The following TIAM1 variants were observed in gnomAD, a reference collection of about 807,000 sequenced individuals.
The protein encoded by TIAM1 is TIAM Rac1 associated GEF 1, also known as rho guanine nucleotide exchange factor TIAM1.
TIAM1 carries 65 observed loss-of-function variants against 163.5 expected under a neutral mutation model. The ratio of observed to expected loss-of-function variants is 0.40; its 90% CI spans 0.33 to 0.49. The LOEUF (loss-of-function observed/expected upper bound fraction) is 0.49. Among genes scored for constraint, TIAM1 ranks in the 20% least tolerant of loss-of-function variants. The pLI, the probability that TIAM1 is intolerant of heterozygous loss-of-function variation, is 0.77. For missense variants in TIAM1, 1,789 were observed against 2,044.7 expected (o/e 0.87, Z 2.41); for synonymous variants, 833 against 810.1 (o/e 1.03, Z -0.48).
At chr21:31,308,349 T>C (rs1050765682) in intron 2 of TIAM1, among the ~76,000 whole-genome samples, 1 of 152,084 alleles carries the variant, frequency 6.6e-6, no homozygotes, top group African/African-American at 2.4e-5. Flanking sequence ...AGGAAGATAA[T>C]GGCATTATCT....
At chr21:31,289,995 A>G (rs2073958008) in intron 2 of TIAM1, among the ~76,000 whole-genome samples, 1 of 152,192 alleles carries the variant, frequency 6.6e-6, no homozygotes, top group African/African-American at 2.4e-5. Context: ...AAATGGTTTT[A>G]TTGGCATCAC....
chr21:31,134,040 C>G (rs967982708), intron 23 of TIAM1, among the ~76,000 whole-genome samples: 1 of 152,064 alleles, frequency 6.6e-6, no homozygotes, highest in African/African-American at 2.4e-5. Context: ...TGCACTCCAG[C>G]CTGGCAACAC....
At chr21:31,283,791 C>T (rs947601794) in intron 2 of TIAM1, among the ~76,000 whole-genome samples, 9 of 152,026 alleles carry the variant, frequency 5.9e-5, no homozygotes, top group Admixed American at 3.9e-4. Flanking sequence ...ATCCACCCTC[C>T]TTGGCTTCCC....
intron 2 of TIAM1, among the ~76,000 whole-genome samples, chr21:31,446,650 C>A (rs528073747): frequency 6.6e-6 from 1 of 152,088 alleles, no homozygotes; most frequent in Non-Finnish European, 1.5e-5. Context: ...CCTGACATAA[C>A]GATGGGAGAC....
chr21:31,556,030 G>C (rs1351515509), intron 1 of TIAM1, among the ~76,000 whole-genome samples: 1 of 152,134 alleles, frequency 6.6e-6, no homozygotes. Context: ...GGGCTCTTTG[G>C]ACGAGCATTA....
chr21:31,346,817 G>A (rs1052469270), upstream of TIAM1, among the ~76,000 whole-genome samples: 2 of 152,104 alleles, frequency 1.3e-5, no homozygotes, highest in Non-Finnish European at 2.9e-5. Context: ...GGGCTTACAC[G>A]GGGAGCACAT....
At chr21:31,216,561 A>G (rs1427800396) in intron 9 of TIAM1, among the ~76,000 whole-genome samples, 1 of 152,184 alleles carries the variant, frequency 6.6e-6, no homozygotes, top group East Asian at 1.9e-4. Context: ...GACAAGGAAG[A>G]CAGTAACAAC....
intron 2 of TIAM1, among the ~76,000 whole-genome samples, chr21:31,330,722 G>A (rs1307798997): frequency 6.6e-6 from 1 of 152,184 alleles, no homozygotes; most frequent in African/African-American, 2.4e-5. Context: ...GTTTTTAATA[G>A]CAGTTTGGTG....
rs547869518 is a variant in TIAM1 at position 31,287,581 on chromosome 21, G to C, written c.-188-10673C>G. Among the ~76,000 whole-genome samples the C allele has an allele frequency of 8.5e-5, 13 of 152,274 alleles. No individual in the cohort carries two copies. In the South Asian group the frequency reaches 1.0e-3, roughly 12 times the overall value. On this transcript the variant is annotated intron_variant, in intron 2 of 27. Transcript: ENST00000541036. ...GATTTGGCTTAGCTTAGGAGGATGA[G>C]AGGAAATGAACAGGGATAGGAGAGA... is the stretch of plus-strand genomic sequence containing the variant.
intron 16 of TIAM1, among the ~76,000 whole-genome samples, 169 bp downstream of exon 16, chr21:31,164,793 C>A (rs2084125257): frequency 6.6e-6 from 1 of 152,164 alleles, no homozygotes; most frequent in Admixed American, 6.5e-5. Flanking sequence ...AGGTTTGTTA[C>A]CAAGGCTATA....
rs1284084068 is a variant in TIAM1 at position 31,395,530 on chromosome 21, G to A, written c.-368-56108C>T. On this transcript the variant is annotated intron_variant, in intron 2 of 28. Transcript: ENST00000286827. This position sits in a 1 kb window ranked among gnomAD's most constrained non-coding sequence, Gnocchi z 7.5. Reference sequence around the variant, plus strand: ...ACCAGATACGCCACAGAGGCGAAGAGAAGGGCCAACCCTGCATTTTCTGCC... The same window carrying A: ...ACCAGATACGCCACAGAGGCGAAGAAAAGGGCCAACCCTGCATTTTCTGCC... 6.6e-6 allele frequency among the ~76,000 whole-genome samples: 1 copy of A among 152,220 alleles called. No homozygotes were observed. The highest frequency in any genetic ancestry group is 1.5e-5 in the Non-Finnish European group (1 of 68,042).
intron 2 of TIAM1, among the ~76,000 whole-genome samples, chr21:31,399,579 A>G (rs998789147): frequency 6.6e-6 from 1 of 152,224 alleles, no homozygotes; most frequent in African/African-American, 2.4e-5. Flanking sequence ...AAGGTTGCAA[A>G]ATGTGAACAT....
intron 2 of TIAM1, among the ~76,000 whole-genome samples, chr21:31,372,249 G>A (rs1269225170): frequency 1.3e-5 from 2 of 152,158 alleles, no homozygotes; most frequent in Non-Finnish European, 2.9e-5. Flanking sequence ...AAGGTCTATA[G>A]GCACCATAGC....
At chr21:31,136,549 T>C (rs1479950441) in intron 22 of TIAM1, among the ~76,000 whole-genome samples, 1 of 152,162 alleles carries the variant, frequency 6.6e-6, no homozygotes, top group Non-Finnish European at 1.5e-5. Context: ...ATCCTCTCCA[T>C]TCCCAAAGAA....
chr21:31,148,138 C>T (rs1013294561), intron 19 of TIAM1, among the ~76,000 whole-genome samples: 1 of 151,734 alleles, frequency 6.6e-6, no homozygotes, highest in African/African-American at 2.4e-5. Context: ...TCCACCCTGG[C>T]TTGGAGGGTG....
intron 9 of TIAM1, among the ~76,000 whole-genome samples, chr21:31,216,829 A>C (rs1042391620): frequency 4.6e-5 from 7 of 152,104 alleles, no homozygotes; most frequent in African/African-American, 1.4e-4. Context: ...CTGCCCATTT[A>C]ATGTCAGCTC....
intron 1 of TIAM1, among the ~76,000 whole-genome samples, chr21:31,545,007 C>T (rs182730619): frequency 2.0e-5 from 3 of 149,370 alleles, no homozygotes; most frequent in South Asian, 2.1e-4. Context: ...AGTGAGACTC[C>T]GTCTCAAAAA....
chr21:31,129,339 G>A (rs1192632020), intron 25 of TIAM1, among the ~76,000 whole-genome samples: 3 of 152,188 alleles, frequency 2.0e-5, no homozygotes, highest in African/African-American at 4.8e-5. Flanking sequence ...TATACTTATA[G>A]CTACCCAACA....
chr21:31,167,547 G>C (rs1352501751), intron 15 of TIAM1, among the ~76,000 whole-genome samples: 1 of 152,178 alleles, frequency 6.6e-6, no homozygotes, highest in Non-Finnish European at 1.5e-5. Flanking sequence ...AGATAAAGTT[G>C]ATAAAGGAAG....
Sources: gnomAD v4.1 joint callset for allele counts (sites outside exome capture counted in the v4.1 genomes callset) on GRCh38, gnomAD v4.1.1 for gene constraint, Gnocchi (gnomAD v3.1) non-coding constraint, MANE v1.5 for transcripts, NCBI Gene and HGNC (gene_info 2026-07-23, HGNC 2026-07-21) for gene names.